CDKL5: variants seen among roughly 807,000 people sequenced by gnomAD.
CDKL5 encodes cyclin-dependent kinase-like 5.
Under a neutral mutation model 61.7 loss-of-function variants are expected in CDKL5, and 8 were observed. That is an observed-to-expected ratio of 0.13 (90% CI 0.08 to 0.23). CDKL5 has a LOEUF of 0.23. Ranked by LOEUF, CDKL5 falls within the 10% of genes least tolerant of loss-of-function variation. CDKL5 has a pLI of 1.00. For missense variants in CDKL5, 440 were observed against 734.5 expected, an observed-to-expected ratio of 0.60 and a Z score of 4.63; for synonymous variants, 275 against 272.3, an observed-to-expected ratio of 1.01 and a Z score of -0.10.
intron 3 of CDKL5, among the ~76,000 whole-genome samples, chrX:18,545,236 AAAT>A (rs1038183054): frequency 9.0e-6 from 1 of 110,797 alleles, no homozygotes; most frequent in Non-Finnish European, 1.9e-5. Context: ...ACTCTGTCTC[AAAT>A]AATAATAATA....
chrX:18,490,155 G>A, intron 1 of CDKL5, among the ~76,000 whole-genome samples: 1 of 111,464 alleles, frequency 9.0e-6, no homozygotes, highest in Admixed American at 9.6e-5. Context: ...CTTCCATTTG[G>A]CTGTTCCTGA....
At chrX:18,575,699 C>T (rs1229751648) in intron 5 of CDKL5, among the ~76,000 whole-genome samples, 2 of 111,983 alleles carry the variant, frequency 1.8e-5, no homozygotes, top group Non-Finnish European at 3.8e-5. Context: ...TAGAGATAAT[C>T]GTAAGTTTAA....
chrX:18,610,845 A>T (rs1926527279), intron 14 of CDKL5, among the ~76,000 whole-genome samples: 1 of 112,107 alleles, frequency 8.9e-6, no homozygotes, highest in African/African-American at 3.2e-5. Context: ...TTCAAGAGTC[A>T]CCACAGCTTT....
intron 14 of CDKL5, among the ~76,000 whole-genome samples, chrX:18,611,429 C>T (rs1273278381): frequency 5.0e-5 from 5 of 99,041 alleles, no homozygotes; most frequent in Admixed American, 1.1e-4. Flanking sequence ...AGCAAGACTC[C>T]GTCTCAAAAC....
chrX:18,538,652 G>A (rs1295643019), intron 3 of CDKL5, among the ~76,000 whole-genome samples: 1 of 111,981 alleles, frequency 8.9e-6, no homozygotes, highest in East Asian at 2.8e-4. Context: ...CCTTATGGAT[G>A]TCTAGTTGCT....
intron 1 of CDKL5, among the ~76,000 whole-genome samples, chrX:18,456,126 G>A (rs1932135269): frequency 9.4e-6 from 1 of 106,873 alleles, no homozygotes; most frequent in Non-Finnish European, 1.9e-5. Context: ...TGCAATCTCC[G>A]CCTCCCAGGT....
intron 1 of CDKL5, among the ~76,000 whole-genome samples, chrX:18,504,850 G>A (rs1922516686): frequency 9.3e-6 from 1 of 107,029 alleles, no homozygotes; most frequent in African/African-American, 3.4e-5. Flanking sequence ...GGAGAATGGT[G>A]TGAACCCGGG....
chrX:18,572,260 T>C (rs1309823589), intron 4 of CDKL5, among the ~76,000 whole-genome samples: 3 of 111,763 alleles, frequency 2.7e-5, no homozygotes, highest in East Asian at 2.8e-4. Context: ...CCCTAGTTAG[T>C]CCTGGTCCAC....
intron 1 of CDKL5, among the ~76,000 whole-genome samples, chrX:18,501,845 G>A (rs1386009371): frequency 2.7e-5 from 3 of 112,251 alleles, no homozygotes. Flanking sequence ...CACCACGCCC[G>A]GCCACAAATG....
intron 3 of CDKL5, among the ~76,000 whole-genome samples, chrX:18,532,322 T>C (rs1182236884): frequency 1.8e-5 from 2 of 110,892 alleles, no homozygotes; most frequent in Non-Finnish European, 3.8e-5. Flanking sequence ...AACTTTACCC[T>C]AAAGAAACTA....
At chrX:18,558,826 G>C (rs898388159) in intron 3 of CDKL5, among the ~76,000 whole-genome samples, 3 of 112,364 alleles carry the variant, frequency 2.7e-5, no homozygotes, top group African/African-American at 6.5e-5. Context: ...TCTTTGCAGA[G>C]ACTAAAATGT....
intron 3 of CDKL5, among the ~76,000 whole-genome samples, chrX:18,554,076 C>G (rs1287599428): frequency 9.9e-6 from 1 of 101,496 alleles, no homozygotes; most frequent in Non-Finnish European, 2.0e-5. Context: ...TTTTTTTTTT[C>G]TATTATACTT....
chrX:18,587,883 C>T, intron 8 of CDKL5, 71 bp from the exon 9 acceptor site: 1 of 1,012,158 alleles, frequency 9.9e-7, no homozygotes, highest in Non-Finnish European at 1.4e-6. Flanking sequence ...AATTTGTTCA[C>T]AATAATTTGG....
intron 3 of CDKL5, among the ~76,000 whole-genome samples, chrX:18,558,057 T>C (rs755572888): frequency 1.3e-3 from 143 of 111,308 alleles, no homozygotes; most frequent in African/African-American, 4.4e-3. Context: ...ATGGAGACAG[T>C]AGTACAATTC....
At position 18,525,255 on chromosome X, in the gene CDKL5, C is replaced by T. The variant is rs184500689; in HGVS notation, c.99+14401C>T. ...CAAGGACTACAGGTACATGCCACCA[C>T]GCCTGGCTAATTTTTATATTTTTAG... On this transcript the variant is annotated intron_variant, in intron 3 of 17. Coordinates refer to ENST00000623535, the MANE Select transcript of CDKL5 (RefSeq NM_001323289.2). 4.0e-4 allele frequency among the ~76,000 whole-genome samples: 44 copies of T among 111,250 alleles called. No individual in the cohort carries two copies. The East Asian group carries it at 7.9e-3, about 20-fold the overall frequency.
intron 1 of CDKL5, among the ~76,000 whole-genome samples, chrX:18,433,615 T>A (rs1175564883): frequency 1.2e-4 from 14 of 113,049 alleles, no homozygotes; most frequent in Non-Finnish European, 2.2e-4. Flanking sequence ...TCAAAAGTTC[T>A]TGCCTATGCA....
chrX:18,473,730 G>C (rs1156917843), intron 1 of CDKL5, among the ~76,000 whole-genome samples: 44 of 102,028 alleles, frequency 4.3e-4, no homozygotes, highest in African/African-American at 1.5e-3. Flanking sequence ...TTTTTTTTTG[G>C]AGACTCAGTC....
At chrX:18,530,335 CAAAAAAA>C (rs985283133) in intron 3 of CDKL5, among the ~76,000 whole-genome samples, 2 of 47,593 alleles carry the variant, frequency 4.2e-5, no homozygotes, top group African/African-American at 8.0e-5. Flanking sequence ...GGCTCCGTCT[CAAAAAAA>C]AAAAAAAAAA....
At position 18,586,694 on chromosome X, in the gene CDKL5, C is replaced by T. The variant is rs770478097; in HGVS notation, c.555-1260C>T. 4.1e-3 allele frequency among the ~76,000 whole-genome samples: 454 copies of T among 112,040 alleles called. 2 individuals carry two copies. Among genetic ancestry groups the T allele is most frequent in the African/African-American group, 0.014 (442 of 30,932 alleles). ...ATTTAAGTTTTATATATTCTCAAGG[C>T]TTTGTCCTTGACATTCAGAATCATT... On this transcript the variant is annotated intron_variant, in intron 8 of 17. Transcript: ENST00000623535.
Sources: allele counts gnomAD v4.1 joint callset (sites outside exome capture counted in the v4.1 genomes callset), GRCh38; gene constraint gnomAD v4.1.1; transcripts MANE v1.5; gene names NCBI Gene and HGNC (gene_info 2026-07-23, HGNC 2026-07-21).